FHIT: variants seen among roughly 807,000 people sequenced by gnomAD.
The protein encoded by FHIT is fragile histidine triad diadenosine triphosphatase.
FHIT carries 19 observed loss-of-function variants against 17.9 expected under a neutral mutation model. The observed-to-expected ratio is 1.06, with a 90% CI of 0.74 to 1.56. The LOEUF (loss-of-function observed/expected upper bound fraction) is 1.56. FHIT is among the 40% of genes most tolerant of loss of function. The pLI is 0.00. For missense variants in FHIT, 248 were observed against 189.2 expected (o/e 1.31, Z -1.82); for synonymous variants, 81 against 69.7 (o/e 1.16, Z -0.81).
At chr3:60,581,304 A>T (rs781939702) in intron 4 of FHIT, among the ~76,000 whole-genome samples, 87 of 152,130 alleles carry the variant, frequency 5.7e-4, no homozygotes, top group Non-Finnish European at 1.8e-4. Flanking sequence ...AACATCACAG[A>T]GCTGACAAGT....
intron 4 of FHIT, among the ~76,000 whole-genome samples, chr3:60,685,943 T>A (rs1553698321): frequency 6.6e-6 from 1 of 152,144 alleles, no homozygotes; most frequent in African/African-American, 2.4e-5. Context: ...AGGATCTGAG[T>A]TTTCATCTAT....
At chr3:60,123,998 AT>A (rs1705396100) in intron 5 of FHIT, among the ~76,000 whole-genome samples, 4 of 68,286 alleles carry the variant, frequency 5.9e-5, no homozygotes. Context: ...ATATATATAT[AT>A]ATATATATAT....
chr3:61,168,448 T>C (rs2037903856), intron 2 of FHIT, among the ~76,000 whole-genome samples: 1 of 152,236 alleles, frequency 6.6e-6, no homozygotes. Context: ...TTTAACCTAA[T>C]GGCAGTTGCC....
At chr3:61,202,087 C>T (rs969196195) in intron 1 of FHIT, among the ~76,000 whole-genome samples, 10 of 151,928 alleles carry the variant, frequency 6.6e-5, no homozygotes, top group South Asian at 4.1e-4. Flanking sequence ...CACACACACA[C>T]ACACGCACAT....
chr3:61,029,060 C>T (rs2032880259), intron 3 of FHIT, among the ~76,000 whole-genome samples: 1 of 152,114 alleles, frequency 6.6e-6, no homozygotes, highest in Non-Finnish European at 1.5e-5. Flanking sequence ...ATTCCTCATG[C>T]TCTTCTGAGA....
chr3:60,483,740 C>A (rs1212543345), intron 5 of FHIT, among the ~76,000 whole-genome samples: 1 of 151,974 alleles, frequency 6.6e-6, no homozygotes, highest in African/African-American at 2.4e-5. Context: ...TGGGTAAAAC[C>A]TGGAAGCATT....
rs4679525 is a variant in FHIT, at chr3:60,306,961, A to G, written c.103+229899T>C. Among the ~76,000 whole-genome samples, 981 of 152,268 alleles carry G rather than the reference A, an allele frequency of 6.4e-3. 53 individuals carry two copies. Among genetic ancestry groups the G allele is most frequent in the Admixed American group, 0.056 (860 of 15,282 alleles). ...ACCTCTATGCTGCACTTCTTTTATA[A>G]TTAGGCAAAAATCTGACAGAAATCC... On this transcript the variant is annotated intron_variant, in intron 5 of 9. Coordinates refer to ENST00000492590, the MANE Select transcript of FHIT (RefSeq NM_002012.4).
chr3:60,852,934 T>A (rs560776071), intron 3 of FHIT, among the ~76,000 whole-genome samples: 2 of 152,276 alleles, frequency 1.3e-5, no homozygotes, highest in Admixed American at 6.5e-5. Context: ...CTTATACATA[T>A]AAACATATAG....
intron 8 of FHIT, among the ~76,000 whole-genome samples, chr3:59,839,806 C>T (rs1258136822): frequency 6.6e-6 from 1 of 152,170 alleles, no homozygotes; most frequent in Non-Finnish European, 1.5e-5. Context: ...AAAAATAAAT[C>T]TATCAGGGCA....
At chr3:59,927,154 G>C (rs1278149290) in intron 7 of FHIT, among the ~76,000 whole-genome samples, 1 of 152,188 alleles carries the variant, frequency 6.6e-6, no homozygotes, top group Non-Finnish European at 1.5e-5. Context: ...AAGGAGTGAT[G>C]TGCGCTGAGT....
intron 3 of FHIT, among the ~76,000 whole-genome samples, chr3:60,983,056 C>T (rs972154282): frequency 6.6e-6 from 1 of 152,152 alleles, no homozygotes; most frequent in Non-Finnish European, 1.5e-5. Flanking sequence ...TTTTCAAGGA[C>T]TCCTTGCCTT....
At chr3:59,979,729 G>A (rs1708568908) in intron 7 of FHIT, among the ~76,000 whole-genome samples, 6 of 152,108 alleles carry the variant, frequency 3.9e-5, no homozygotes. Flanking sequence ...GAAGGGGTTT[G>A]GTCGCTATAC....
At chr3:60,120,792 A>G (rs1252284707) in intron 5 of FHIT, among the ~76,000 whole-genome samples, 3 of 152,150 alleles carry the variant, frequency 2.0e-5, no homozygotes, top group Non-Finnish European at 2.9e-5. Flanking sequence ...ACTATCAGTT[A>G]CTTAAATGTC....
Position 60,320,888 on chromosome 3 carries a change from T to A in FHIT, c.103+215972A>T, listed in dbSNP as rs373169010. On this transcript the variant is annotated intron_variant, in intron 5 of 9. Transcript: ENST00000492590. ...AGCAAATATTGCCTCAAGGACTCAA[T>A]TGAAACCCAAATCGTAATGATCACT... Among the ~76,000 whole-genome samples the A allele has an allele frequency of 2.0e-5, 3 of 152,170 alleles. No individual in the cohort carries two copies. The East Asian group carries it at 5.8e-4, about 29-fold the overall frequency.
At chr3:59,795,383 C>T (rs958336288) in intron 8 of FHIT, among the ~76,000 whole-genome samples, 2 of 93,284 alleles carry the variant, frequency 2.1e-5, no homozygotes, top group East Asian at 3.9e-4. Context: ...GACCCTGTCT[C>T]GAAAAAAAAA....
At chr3:60,796,975 A>G (rs578174150) in intron 4 of FHIT, among the ~76,000 whole-genome samples, 2 of 152,340 alleles carry the variant, frequency 1.3e-5, no homozygotes, top group South Asian at 4.1e-4. Context: ...CAATTTCTTC[A>G]TAACTTATAA....
intron 5 of FHIT, among the ~76,000 whole-genome samples, chr3:60,205,679 C>A (rs1703138053): frequency 6.6e-6 from 1 of 152,084 alleles, no homozygotes; most frequent in South Asian, 2.1e-4. Flanking sequence ...AACATGGGAA[C>A]AAAATGACGC....
chr3:59,892,183 C>T lies in FHIT; in HGVS notation c.348+30163G>A, dbSNP rs894352595. Among the ~76,000 whole-genome samples, 11 of 152,244 alleles carry T rather than the reference C, an allele frequency of 7.2e-5. No individual in the cohort carries two copies. The South Asian group carries it at 1.7e-3, about 23-fold the overall frequency. On this transcript the variant is annotated intron_variant, in intron 8 of 9. Transcript: ENST00000492590. ...AGAAACTAGCAGATTTTTACATCAT[C>T]GGGAGGGACATAGCTGGTCAAACAG...
chr3:61,012,148 A>G (rs2031827489), intron 3 of FHIT, among the ~76,000 whole-genome samples: 1 of 152,216 alleles, frequency 6.6e-6, no homozygotes, highest in Non-Finnish European at 1.5e-5. Context: ...TTGCAGAGGT[A>G]TACTGAAATT....
Sources: allele counts gnomAD v4.1 joint callset (sites outside exome capture counted in the v4.1 genomes callset), GRCh38; gene constraint gnomAD v4.1.1; transcripts MANE v1.5; gene names NCBI Gene and HGNC (gene_info 2026-07-23, HGNC 2026-07-21).